Variants in MGMT observed in about 807,000 individuals in gnomAD.
MGMT encodes the protein methylated-DNA--protein-cysteine methyltransferase.
In MGMT, 14 loss-of-function variants were observed where a neutral mutation model predicts 15.9. The observed-to-expected ratio is 0.88, with a 90% confidence interval of 0.58 to 1.37. The LOEUF is 1.37. Among genes scored for constraint, MGMT ranks in the 40% most tolerant of loss-of-function variants. The pLI is 0.00. For missense variants in MGMT, 282 were observed against 268.1 expected, an observed-to-expected ratio of 1.05 and a Z score of -0.36; for synonymous variants, 130 against 118.2, an observed-to-expected ratio of 1.10 and a Z score of -0.65.
chr10:129,642,804 C>A (rs376852088), intron 2 of MGMT, among the ~76,000 whole-genome samples: 1 of 152,108 alleles, frequency 6.6e-6, no homozygotes, highest in Non-Finnish European at 1.5e-5. Context: ...TTGTGGCTCA[C>A]GTCTGTAGTC....
chr10:129,493,701 G>A (rs1845492496), intron 1 of MGMT, among the ~76,000 whole-genome samples: 1 of 152,184 alleles, frequency 6.6e-6, no homozygotes. Context: ...CAGGCCCAGT[G>A]TGGGATCTGG....
chr10:129,689,333 G>T (rs1376229372), intron 2 of MGMT, among the ~76,000 whole-genome samples: 1 of 152,164 alleles, frequency 6.6e-6, no homozygotes, highest in Non-Finnish European at 1.5e-5. Context: ...ATGGCAGTTT[G>T]CAGTGTTTCT....
intron 2 of MGMT, among the ~76,000 whole-genome samples, chr10:129,559,178 C>T (rs939698510): frequency 6.6e-6 from 1 of 152,154 alleles, no homozygotes; most frequent in Non-Finnish European, 1.5e-5. Flanking sequence ...TTCACTGATA[C>T]TAAGAGTGAT....
intron 2 of MGMT, among the ~76,000 whole-genome samples, chr10:129,705,743 T>C (rs1848152857): frequency 6.6e-6 from 1 of 152,222 alleles, no homozygotes; most frequent in African/African-American, 2.4e-5. Flanking sequence ...TGTTTGCAGC[T>C]CCGGGGCTGT....
chr10:129,620,214 G>A (rs1010343396), intron 2 of MGMT, among the ~76,000 whole-genome samples: 7 of 152,206 alleles, frequency 4.6e-5, no homozygotes, highest in African/African-American at 1.4e-4. Flanking sequence ...TTTTGATAGG[G>A]ATTGTTTTTT....
intron 1 of MGMT, among the ~76,000 whole-genome samples, chr10:129,514,057 T>G (rs1443250089): frequency 6.6e-6 from 1 of 152,272 alleles, no homozygotes; most frequent in Non-Finnish European, 1.5e-5. Context: ...AAATGAACAC[T>G]GCAGATCTCT....
intron 2 of MGMT, among the ~76,000 whole-genome samples, chr10:129,635,706 C>G (rs193007389): frequency 6.6e-6 from 1 of 152,170 alleles, no homozygotes; most frequent in Non-Finnish European, 1.5e-5. Flanking sequence ...TTCTGATCAT[C>G]GATAGCACTT....
At chr10:129,522,505 A>T (rs1400930716) in intron 1 of MGMT, among the ~76,000 whole-genome samples, 3 of 152,202 alleles carry the variant, frequency 2.0e-5, no homozygotes, top group Non-Finnish European at 4.4e-5. Context: ...CTGCGCACAC[A>T]AGGGTTTGGT....
chr10:129,598,186 C>G (rs972869401), intron 2 of MGMT, among the ~76,000 whole-genome samples: 1 of 152,166 alleles, frequency 6.6e-6, no homozygotes, highest in African/African-American at 2.4e-5. Flanking sequence ...CATGGAGCAT[C>G]CCTGGTCGAG....
intron 1 of MGMT, among the ~76,000 whole-genome samples, chr10:129,489,642 C>G (rs554873237): frequency 6.6e-6 from 1 of 152,028 alleles, no homozygotes; most frequent in South Asian, 2.1e-4. Flanking sequence ...TCCTTAATGT[C>G]TCTCACATTT....
At position 129,517,774 on chromosome 10, in the gene MGMT, C is replaced by G. The variant is rs576937200; in HGVS notation, c.-12-18467C>G. 8.2e-3 allele frequency among the ~76,000 whole-genome samples: 903 copies of G among 110,606 alleles called. 2 individuals carry two copies. The highest frequency in any genetic ancestry group is 0.01 in the Non-Finnish European group (593 of 58,458). 72.6% of individuals were successfully genotyped at this position (110,606 alleles called of 152,430 possible). ...AGCTTCCTGTCTCCACACCCTGACT[C>G]CAAACCCTCACTGTGACCCCACGGG... is the stretch of plus-strand genomic sequence containing the variant. On this transcript the variant is annotated intron_variant, in intron 1 of 4. Coordinates refer to ENST00000651593, the MANE Select transcript of MGMT (RefSeq NM_002412.5).
chr10:129,608,656 T>C (rs1846922465), intron 2 of MGMT, among the ~76,000 whole-genome samples: 1 of 152,262 alleles, frequency 6.6e-6, no homozygotes, highest in African/African-American at 2.4e-5. Flanking sequence ...TAATAGTCTA[T>C]TCCTTCACCT....
chr10:129,693,740 T>C (rs1847997256), intron 2 of MGMT: 1 of 152,132 alleles, frequency 6.6e-6, no homozygotes, highest in African/African-American at 2.4e-5. Flanking sequence ...CCATCTTTAC[T>C]AAAGATACAA....
chr10:129,708,007 C>G lies in MGMT; in HGVS notation c.238C>G (p.Pro80Ala), dbSNP rs147505998. 6.2e-7 allele frequency: 1 copy of G among 1,613,836 alleles called. No individual in the cohort carries two copies. The highest frequency in any genetic ancestry group is 8.5e-7 in the Non-Finnish European group (1 of 1,179,982). The change falls in exon 3 of 5, where the codon CCC becomes GCC. Residue 80 changes from proline to alanine, a missense_variant. Physicochemically the swap from Pro to Ala is conservative, Grantham distance 27. Coordinates refer to ENST00000651593, the MANE Select transcript of MGMT (RefSeq NM_002412.5). ...CCAGCCCGAGGCTATCGAAGAGTTC[C>G]CCGTGCCGGCTCTTCACCATCCCGT... is the stretch of plus-strand genomic sequence containing the variant. ...FHQPEAIEEF[P>A]VPALHHPVFQ...
At chr10:129,530,858 G>T (rs1221710368) in intron 1 of MGMT, among the ~76,000 whole-genome samples, 2 of 152,096 alleles carry the variant, frequency 1.3e-5, no homozygotes, top group Middle Eastern at 3.2e-3. Context: ...TCGCCCGGGG[G>T]CCCCTCCCCA....
chr10:129,646,754 A>ATATATTTTTTTTTTTTTTTTTTTTT, intron 2 of MGMT, among the ~76,000 whole-genome samples: 23 of 86,658 alleles, frequency 2.7e-4, no homozygotes, highest in Non-Finnish European at 4.1e-4. Context: ...ATATATATAT[A>ATATATTTTTTTTTTTTTTTTTTTTT]TTTTCAGGGA....
chr10:129,763,212 G>A (rs540816419), intron 4 of MGMT, among the ~76,000 whole-genome samples: 4 of 152,286 alleles, frequency 2.6e-5, no homozygotes, highest in African/African-American at 9.6e-5. Context: ...GAGCTTCTTG[G>A]TTATTGATAA....
intron 2 of MGMT, among the ~76,000 whole-genome samples, chr10:129,639,075 A>G (rs753414384): frequency 2.0e-5 from 3 of 152,214 alleles, no homozygotes; most frequent in Non-Finnish European, 2.9e-5. Flanking sequence ...CCATGGAAGT[A>G]TACATTTTAA....
intron 2 of MGMT, among the ~76,000 whole-genome samples, chr10:129,542,240 T>C (rs889648761): frequency 5.9e-5 from 9 of 152,134 alleles, no homozygotes; most frequent in South Asian, 2.1e-4. Flanking sequence ...CAGCCGTGCA[T>C]GGGGTCCCGG....
Sources: gnomAD v4.1 joint callset for allele counts (sites outside exome capture counted in the v4.1 genomes callset) on GRCh38, gnomAD v4.1.1 for gene constraint, MANE v1.5 for transcripts, NCBI Gene and HGNC (gene_info 2026-07-23, HGNC 2026-07-21) for gene names.